BARHL1: variants seen among roughly 807,000 people sequenced by gnomAD.
BARHL1 encodes the protein barH-like 1 homeobox protein.
A neutral mutation model predicts 20.1 loss-of-function variants in BARHL1; 2 were observed. That is an observed-to-expected ratio of 0.10 (90% CI 0.04 to 0.31). BARHL1 has a LOEUF of 0.31. Ranked by LOEUF, BARHL1 falls within the 10% of genes least tolerant of loss-of-function variation. The pLI is 1.00. For synonymous variants in BARHL1, 213 were observed against 209.9 expected, an observed-to-expected ratio of 1.01 and a Z score of -0.13; for missense variants, 397 against 454.0, an observed-to-expected ratio of 0.87 and a Z score of 1.14.
Position 132,589,702 on chromosome 9 carries a change from G to T in BARHL1, c.*180G>T. On this transcript the variant is annotated 3_prime_UTR_variant, in exon 3 of 3. Transcript: ENST00000263610. Reference sequence around the variant, plus strand: ...CCAAGTCCACTGAGGCCCGGACCCCGGACTGCGTCTCCCCAGCCCCCCTCG... The same window carrying T: ...CCAAGTCCACTGAGGCCCGGACCCCTGACTGCGTCTCCCCAGCCCCCCTCG... 2.4e-6 allele frequency: 2 copies of T among 842,056 alleles called. No individual in the cohort carries two copies. The allele number at this position is 842,056 out of a possible 1,614,324, so 52.2% of individuals were successfully genotyped here. A position where few individuals can be genotyped will look rare whatever the true frequency, so the allele number is the denominator to read the frequency against.
chr9:132,589,665 A>G lies in BARHL1; in HGVS notation c.*143A>G. Reference sequence around the variant, plus strand: ...TGGCGCCCCAGCCCAGTGCCCCCCGAAGGGCCAAATGCCAAGTCCACTGAG... The same window carrying G: ...TGGCGCCCCAGCCCAGTGCCCCCCGGAGGGCCAAATGCCAAGTCCACTGAG... On this transcript the variant is annotated 3_prime_UTR_variant, in exon 3 of 3. Coordinates refer to ENST00000263610, the MANE Select transcript of BARHL1 (RefSeq NM_020064.4). The G allele has an allele frequency of 8.8e-7, 1 of 1,138,984 alleles. No homozygotes were observed. Among genetic ancestry groups the G allele is most frequent in the Non-Finnish European group, 1.1e-6 (1 of 910,488 alleles). The allele number at this position is 1,138,984 out of a possible 1,614,324, so 70.6% of individuals were successfully genotyped here.
intron 1 of BARHL1, among the ~76,000 whole-genome samples, chr9:132,585,894 T>C (rs934012952): frequency 1.3e-5 from 2 of 152,270 alleles, no homozygotes; most frequent in Non-Finnish European, 2.9e-5. Context: ...AAGAGTTCTA[T>C]GATATCAAGT....
Position 132,587,620 on chromosome 9 carries a change from C to T in BARHL1, c.689+69C>T. ...CTTTCCTCACAGCTCCTGGAGGGGA[C>T]CAGGAGTCTACAGGTTGGTGCTAAG... On this transcript the variant is annotated intron_variant, in intron 2 of 2. Coordinates refer to ENST00000263610, the MANE Select transcript of BARHL1 (RefSeq NM_020064.4). The surrounding 1 kb of genome is among the most constrained non-coding windows in gnomAD (Gnocchi z 5.5). 2 of 1,436,198 alleles carry T rather than the reference C, an allele frequency of 1.4e-6. No homozygotes were observed. Among genetic ancestry groups the T allele is most frequent in the Admixed American group, 4.0e-5 (2 of 49,852 alleles). The allele number at this position is 1,436,198 out of a possible 1,614,324, so 89.0% of individuals were successfully genotyped here.
At chr9:132,585,937 T>C (rs1401618879) in intron 1 of BARHL1, among the ~76,000 whole-genome samples, 1 of 152,240 alleles carries the variant, frequency 6.6e-6, no homozygotes, top group Non-Finnish European at 1.5e-5. Flanking sequence ...CTCAAACTTA[T>C]TTAAACTATC....
intron 2 of BARHL1, 33 bp from the exon 3 acceptor site, chr9:132,589,195 G>A (rs1325726650): frequency 7.6e-6 from 12 of 1,585,984 alleles, no homozygotes; most frequent in African/African-American, 1.3e-5. Flanking sequence ...CCCTAGCCCT[G>A]ATCCCGCCAT....
In BARHL1 at chr9:132,583,139, C is replaced by T. The variant is rs201325944; in HGVS notation, c.342C>T (p.Tyr114=). 3.4e-5 allele frequency: 55 copies of T among 1,613,670 alleles called. No individual in the cohort carries two copies. Among genetic ancestry groups the T allele is most frequent in the Non-Finnish European group, 4.2e-5 (50 of 1,179,988 alleles). The change falls in exon 1 of 3, where the codon TAC becomes TAT. Residue 114 remains tyrosine, a synonymous_variant. Coordinates refer to ENST00000263610, the MANE Select transcript of BARHL1 (RefSeq NM_020064.4). ...AACCACTCGCGGCCTGTGCACCCTA[C>T]TCTAGCAGCGGGCAGCCGGCAGCCC... ...DCKPLAACAP[Y]SSSGQPAAPE...
intron 1 of BARHL1, 140 bp downstream of exon 1, chr9:132,583,403 G>A: frequency 1.4e-6 from 1 of 722,922 alleles, no homozygotes; most frequent in Non-Finnish European, 2.2e-6. Flanking sequence ...GTTCTCCTCA[G>A]AACATTTCAG....
rs1203508266 is a variant in BARHL1, at chr9:132,582,936, G to A, written c.139G>A (p.Asp47Asn). The A allele has an allele frequency of 3.7e-6, 6 of 1,613,454 alleles. No homozygotes were observed. In the East Asian group the frequency reaches 6.7e-5, roughly 18 times the overall value. Residue 47 changes from aspartate to asparagine, a missense_variant, in exon 1 of 3, where the codon GAC becomes AAC. Coordinates refer to ENST00000263610, the MANE Select transcript of BARHL1 (RefSeq NM_020064.4). ...ELSPRSESSS[D>N]CSSPASPGRD... is the part of the protein sequence containing the mutation. ...GAGTCCACGCTCAGAGAGCAGCAGC[G>A]ACTGCTCTTCGCCAGCCTCTCCAGG...
chr9:132,584,142 G>A (rs1830104011), intron 1 of BARHL1, among the ~76,000 whole-genome samples: 1 of 151,616 alleles, frequency 6.6e-6, no homozygotes, highest in South Asian at 2.1e-4. Context: ...AGGAAGGAAG[G>A]AAGGAAGGAA....
intron 2 of BARHL1, among the ~76,000 whole-genome samples, chr9:132,588,201 TACAA>T (rs1348548520): frequency 7.2e-5 from 11 of 152,180 alleles, no homozygotes; most frequent in Non-Finnish European, 1.3e-4. Flanking sequence ...GATGCAAATG[TACAA>T]ACACAGAGGC....
chr9:132,589,384 C>T lies in BARHL1; in HGVS notation c.846C>T (p.Gly282=). Residue 282 remains glycine (G), a synonymous_variant, in exon 3 of 3, where the codon GGC becomes GGT. Transcript: ENST00000263610. ...GCGCGGCGCTCTACCTGTACCGCGG[C>T]CCCAGCGCGCCGCCGCCTGCTCTCC... ...DPGAALYLYR[G]PSAPPPALQR... 6.2e-7 allele frequency: 1 copy of T among 1,612,652 alleles called. No homozygotes were observed. The highest frequency in any genetic ancestry group is 8.5e-7 in the Non-Finnish European group (1 of 1,179,744).
intron 1 of BARHL1, among the ~76,000 whole-genome samples, chr9:132,583,554 C>G (rs138996354): frequency 6.6e-6 from 1 of 152,226 alleles, no homozygotes; most frequent in Non-Finnish European, 1.5e-5. Flanking sequence ...GACCCCTGCC[C>G]TTCCAGCAGT....
chr9:132,587,133 G>A lies in BARHL1; in HGVS notation c.467-196G>A, dbSNP rs1830152671. On this transcript the variant is annotated intron_variant, in intron 1 of 2. Transcript: ENST00000263610. The surrounding 1 kb of genome is among the most constrained non-coding windows in gnomAD (Gnocchi z 5.5). Reference sequence around the variant, plus strand: ...GGTCTCGGCCTCGGGCGCTCCCGCCGCCGTCCTGTTCCCCTCAGGGTTCAT... The same window carrying A: ...GGTCTCGGCCTCGGGCGCTCCCGCCACCGTCCTGTTCCCCTCAGGGTTCAT... Among the ~76,000 whole-genome samples, 1 of 152,224 alleles carries A rather than the reference G, an allele frequency of 6.6e-6. No homozygotes were observed. The highest frequency in any genetic ancestry group is 6.5e-5 in the Admixed American group (1 of 15,286).
rs554627802 is a variant in BARHL1, at chr9:132,589,500, C to T, written c.962C>T (p.Pro321Leu). The T allele has an allele frequency of 6.2e-5, 87 of 1,402,324 alleles. 3 individuals are homozygous for T. The Admixed American group carries it at 2.8e-3, about 45-fold the overall frequency. 86.9% of individuals were successfully genotyped at this position (1,402,324 alleles called of 1,614,324 possible). ...PPLPPLAGVL[P>L]RAAQPR ...CTGCCCCCCCTGGCCGGCGTCCTCCCACGCGCCGCGCAGCCTCGGTGAGGC... is the reference window on the plus strand; with the variant it reads ...CTGCCCCCCCTGGCCGGCGTCCTCCTACGCGCCGCGCAGCCTCGGTGAGGC... The change falls in exon 3 of 3, where the codon CCA becomes CTA. Residue 321 changes from proline to leucine, a missense_variant. Pro to Leu is a moderately conservative substitution (Grantham distance 98, BLOSUM62 -3). Transcript: ENST00000263610.
chr9:132,589,541 GGC>G lies in BARHL1; in HGVS notation c.*20_*21del. 2.3e-6 allele frequency: 3 copies of G among 1,282,854 alleles called. No individual in the cohort carries two copies. The highest frequency in any genetic ancestry group is 2.9e-6 in the Non-Finnish European group (3 of 1,018,936). 79.5% of individuals were successfully genotyped at this position (1,282,854 alleles called of 1,614,324 possible). ...TCGGTGAGGCGCCCGTCGGCTCCGG[GGC>G]CTCCTCCCGCGGGCTCGGCGTGGCC... On this transcript the variant is annotated 3_prime_UTR_variant, in exon 3 of 3. Coordinates refer to ENST00000263610, the MANE Select transcript of BARHL1 (RefSeq NM_020064.4).
chr9:132,583,239 G>T lies in BARHL1; in HGVS notation c.442G>T (p.Ala148Ser), dbSNP rs755007557. Residue 148 changes from alanine to serine, a missense_variant, in exon 1 of 3, where the codon GCC (alanine) becomes TCC (serine). Ala to Ser is a moderately conservative substitution (Grantham distance 99). Transcript: ENST00000263610. Reference protein sequence around the residue: ...RDKLDKSGSNASSDSEYKVKE... With the variant: ...RDKLDKSGSNSSSDSEYKVKE... ...CAAGCTGGACAAAAGTGGCAGCAAC[G>T]CCTCATCGGACTCTGAGTATAAAGG... 32 of 1,611,894 alleles carry T rather than the reference G, an allele frequency of 2.0e-5. No homozygotes were observed. The highest frequency in any genetic ancestry group is 2.5e-5 in the Non-Finnish European group (30 of 1,179,022).
Position 132,587,490 on chromosome 9 carries a change from G to C in BARHL1, c.628G>C (p.Glu210Gln), listed in dbSNP as rs1348428858. The part of the protein sequence containing the change: ...QKYLSVQDRM[E>Q]LAASLNLTDT... Reference sequence around the variant, plus strand: ...GTACCTGAGCGTGCAGGACCGCATGGAGCTCGCCGCCTCGCTCAACCTCAC... The same window carrying C: ...GTACCTGAGCGTGCAGGACCGCATGCAGCTCGCCGCCTCGCTCAACCTCAC... Residue 210 changes from glutamate to glutamine, a missense_variant, in exon 2 of 3, where the codon GAG (glutamate) becomes CAG (glutamine). This residue lies in a region of BARHL1 where 272 missense variants were observed against 298.7 expected (regional missense o/e 0.91). Transcript: ENST00000263610. The surrounding 1 kb of genome is among the most constrained non-coding windows in gnomAD (Gnocchi z 5.5). 8 of 1,612,700 alleles carry C rather than the reference G, an allele frequency of 5.0e-6. No homozygotes were observed. Among genetic ancestry groups the C allele is most frequent in the Non-Finnish European group, 4.2e-6 (5 of 1,179,644 alleles).
rs1269188422 is a variant in BARHL1 at position 132,587,969 on chromosome 9, C to T, written c.689+418C>T. Among the ~76,000 whole-genome samples, 4 of 152,178 alleles carry T rather than the reference C, an allele frequency of 2.6e-5. No homozygotes were observed. The highest frequency in any genetic ancestry group is 9.7e-5 in the African/African-American group (4 of 41,432). ...TGAAGAGGACGGCCAGGCAGTGGCC[C>T]TTGGGGTGTTGAAGCCTGGCCCAGA... On this transcript the variant is annotated intron_variant, in intron 2 of 2. Coordinates refer to ENST00000263610, the MANE Select transcript of BARHL1 (RefSeq NM_020064.4). This position sits in a 1 kb window ranked among gnomAD's most constrained non-coding sequence, Gnocchi z 5.5.
chr9:132,589,431 T>A lies in BARHL1; in HGVS notation c.893T>A (p.Ile298Asn). Residue 298 changes from isoleucine to asparagine, a missense_variant, in exon 3 of 3, where the codon ATC becomes AAC. Coordinates refer to ENST00000263610, the MANE Select transcript of BARHL1 (RefSeq NM_020064.4). ...PALQRPLVPR[I>N]LIHGLQGASE... is the part of the protein sequence containing the mutation. ...CTCCAGAGACCTCTGGTGCCCCGCA[T>A]CCTCATCCACGGACTCCAGGGCGCC... The A allele has an allele frequency of 6.2e-7, 1 of 1,608,552 alleles. No homozygotes were observed.
Sources: allele counts gnomAD v4.1 joint callset (sites outside exome capture counted in the v4.1 genomes callset), GRCh38; gene constraint gnomAD v4.1.1; regional missense constraint gnomAD v4.1.1; non-coding constraint Gnocchi (gnomAD v3.1); transcripts MANE v1.5; gene names NCBI Gene and HGNC (gene_info 2026-07-23, HGNC 2026-07-21).